PRTFDC1: variants seen among roughly 807,000 people sequenced by gnomAD.
The protein encoded by PRTFDC1 is phosphoribosyltransferase domain-containing protein 1.
In PRTFDC1, 38 loss-of-function variants were observed where a neutral mutation model predicts 34.6. The observed-to-expected ratio is 1.10, with a 90% CI of 0.85 to 1.44. PRTFDC1 has a LOEUF of 1.44. PRTFDC1 is among the 40% of genes most tolerant of loss of function. The probability of loss-of-function intolerance (pLI) is 0.00; values close to 1 mark genes in which losing one functional copy is unlikely to be tolerated. For missense variants in PRTFDC1, 270 were observed against 283.0 expected (o/e 0.95, Z 0.33); for synonymous variants, 93 against 98.1 (o/e 0.95, Z 0.31).
At chr10:24,941,793 A>G (rs1180726995) in intron 2 of PRTFDC1, among the ~76,000 whole-genome samples, 2 of 152,196 alleles carry the variant, frequency 1.3e-5, no homozygotes, top group Non-Finnish European at 2.9e-5. Flanking sequence ...ATCTCTTCTG[A>G]GAGTTGTAAA....
intron 3 of PRTFDC1, among the ~76,000 whole-genome samples, chr10:24,891,468 C>G (rs1031465915): frequency 5.9e-5 from 9 of 152,158 alleles, no homozygotes; most frequent in African/African-American, 2.2e-4. Flanking sequence ...GTAACAAAGA[C>G]CAGATTTATC....
chr10:24,856,077 G>GCAC (rs1463205797), intron 6 of PRTFDC1, among the ~76,000 whole-genome samples: 1 of 123,214 alleles, frequency 8.1e-6, no homozygotes, highest in African/African-American at 3.2e-5. Context: ...TTGTACCACT[G>GCAC]CACTCCAGCC....
chr10:24,854,084 C>T (rs73606579), intron 7 of PRTFDC1, among the ~76,000 whole-genome samples: 8,588 of 152,216 alleles, frequency 0.056, 736 homozygotes, highest in African/African-American at 0.19. Flanking sequence ...CTGTATAGCT[C>T]TTAGAATAGT....
chr10:24,914,393 TA>T (rs1848665979), intron 3 of PRTFDC1, among the ~76,000 whole-genome samples: 2 of 152,178 alleles, frequency 1.3e-5, no homozygotes, highest in African/African-American at 4.8e-5. Context: ...CTAGGGAGAA[TA>T]AAGCCAACAC....
chr10:24,935,922 G>A (rs956613383), intron 3 of PRTFDC1, among the ~76,000 whole-genome samples: 34 of 152,276 alleles, frequency 2.2e-4, no homozygotes, highest in African/African-American at 7.7e-4. Flanking sequence ...GAAAACCTCA[G>A]ATGATATCAA....
chr10:24,865,247 T>G (rs1348174142), intron 4 of PRTFDC1, among the ~76,000 whole-genome samples: 1 of 152,208 alleles, frequency 6.6e-6, no homozygotes, highest in Non-Finnish European at 1.5e-5. Context: ...TGGTTCATTG[T>G]ATTTCTGATT....
intron 3 of PRTFDC1, among the ~76,000 whole-genome samples, chr10:24,886,139 T>G (rs1173249682): frequency 6.6e-6 from 1 of 152,212 alleles, no homozygotes; most frequent in Non-Finnish European, 1.5e-5. Flanking sequence ...CTACGAACTT[T>G]GGGTGATAAT....
chr10:24,918,681 C>T (rs1438401226), intron 3 of PRTFDC1, among the ~76,000 whole-genome samples: 1 of 152,140 alleles, frequency 6.6e-6, no homozygotes, highest in African/African-American at 2.4e-5. Flanking sequence ...TCCCAAAGCT[C>T]TAGGGTTACA....
chr10:24,937,134 T>C lies in PRTFDC1; in HGVS notation c.339+50A>G, dbSNP rs545093694. The C allele has an allele frequency of 1.9e-5, 28 of 1,460,888 alleles. No individual in the cohort carries two copies. In the East Asian group the frequency reaches 3.5e-4, roughly 18 times the overall value. 90.5% of individuals were successfully genotyped at this position (1,460,888 alleles called of 1,614,324 possible). On this transcript the variant is annotated intron_variant, in intron 3 of 8. Coordinates refer to ENST00000320152, the MANE Select transcript of PRTFDC1 (RefSeq NM_020200.7). ...CATAACATTATTGATTCTTTTATCC[T>C]AAAGCATTGTTAAATGAAATGTCAT...
In PRTFDC1 at chr10:24,943,318, T is replaced by G. The variant is rs12414402; in HGVS notation, c.49-882A>C. On this transcript the variant is annotated intron_variant, in intron 1 of 8. Coordinates refer to ENST00000320152, the MANE Select transcript of PRTFDC1 (RefSeq NM_020200.7). ...ACACTTAAACCGTCCTATTAGAAACTGATGATCCAGAAAATTGGCCTATTC... is the reference window on the plus strand; with the variant it reads ...ACACTTAAACCGTCCTATTAGAAACGGATGATCCAGAAAATTGGCCTATTC... Among the ~76,000 whole-genome samples, 1,324 of 152,150 alleles carry G rather than the reference T, an allele frequency of 8.7e-3. 65 individuals carry two copies. Among genetic ancestry groups the G allele is most frequent in the Admixed American group, 0.074 (1,134 of 15,256 alleles).
chr10:24,855,100 T>C (rs1339625706), intron 7 of PRTFDC1, among the ~76,000 whole-genome samples: 1 of 152,186 alleles, frequency 6.6e-6, no homozygotes. Context: ...CTGTGAAAGA[T>C]GCAAATTAGA....
intron 4 of PRTFDC1, among the ~76,000 whole-genome samples, chr10:24,868,851 C>G (rs1009206101): frequency 7.9e-5 from 12 of 151,640 alleles, no homozygotes; most frequent in East Asian, 5.8e-4. Context: ...TTTTGGAGAG[C>G]CTCTAAAACT....
intron 3 of PRTFDC1, among the ~76,000 whole-genome samples, chr10:24,873,000 A>G (rs924908783): frequency 1.3e-5 from 2 of 151,154 alleles, no homozygotes; most frequent in African/African-American, 4.9e-5. Flanking sequence ...ATTTATTTTT[A>G]TTTTTAGTAC....
chr10:24,873,363 C>T (rs974394998), intron 3 of PRTFDC1, among the ~76,000 whole-genome samples: 8 of 152,260 alleles, frequency 5.3e-5, no homozygotes, highest in African/African-American at 1.9e-4. Context: ...TTAAAGGAAC[C>T]AAAGCCGATA....
rs546304607 is a variant in PRTFDC1, at chr10:24,875,042, G to A, written c.340-2979C>T. ...CCTTCCACCATGATTGTAGGTTTCC[G>A]GAGGCTTTCCTAGCCCTGTGGAACT... On this transcript the variant is annotated intron_variant, in intron 3 of 8. Transcript: ENST00000320152. Among the ~76,000 whole-genome samples the A allele has an allele frequency of 1.1e-4, 17 of 152,164 alleles. No individual in the cohort carries two copies. In the East Asian group the frequency reaches 1.7e-3, roughly 16 times the overall value.
chr10:24,880,873 T>TTCCC (rs1210728378), intron 3 of PRTFDC1, among the ~76,000 whole-genome samples: 1 of 144,972 alleles, frequency 6.9e-6, no homozygotes, highest in African/African-American at 2.6e-5. Context: ...CTTTCTTTCT[T>TTCCC]TCTTTCCCTC....
chr10:24,898,920 A>C (rs1295106190), intron 3 of PRTFDC1, among the ~76,000 whole-genome samples: 1 of 152,036 alleles, frequency 6.6e-6, no homozygotes, highest in East Asian at 1.9e-4. Context: ...TTCCCTTATA[A>C]AAGAGTCCCC....
chr10:24,904,825 T>C (rs865973515), intron 3 of PRTFDC1, among the ~76,000 whole-genome samples: 29 of 152,218 alleles, frequency 1.9e-4, no homozygotes, highest in African/African-American at 6.5e-4. Context: ...ATCCTCCACC[T>C]TCAACCCCAT....
chr10:24,906,933 T>C (rs1253806761), intron 3 of PRTFDC1, among the ~76,000 whole-genome samples: 1 of 152,234 alleles, frequency 6.6e-6, no homozygotes, highest in Non-Finnish European at 1.5e-5. Flanking sequence ...TCTTTCTTTA[T>C]ATGTTTGGAA....
Sources: allele counts gnomAD v4.1 joint callset (sites outside exome capture counted in the v4.1 genomes callset), GRCh38; gene constraint gnomAD v4.1.1; transcripts MANE v1.5; gene names NCBI Gene and HGNC (gene_info 2026-07-23, HGNC 2026-07-21).